Variants in ADGRG1 observed in about 807,000 individuals in gnomAD.
ADGRG1 encodes the protein adhesion G protein-coupled receptor G1, also known as 7-transmembrane protein with no EGF-like N-terminal domains-1.
ADGRG1 carries 53 observed loss-of-function variants against 73.5 expected under a neutral mutation model. That is an observed-to-expected ratio of 0.72 (90% CI 0.58 to 0.91). The LOEUF is 0.91. ADGRG1 is among the 40% of genes least tolerant of loss of function. The probability of loss-of-function intolerance (pLI) is 0.00; values close to 1 mark genes in which losing one functional copy is unlikely to be tolerated. For missense variants in ADGRG1, 795 were observed against 871.8 expected, an observed-to-expected ratio of 0.91 and a Z score of 1.11; for synonymous variants, 394 against 374.4, an observed-to-expected ratio of 1.05 and a Z score of -0.60.
intron 1 of ADGRG1, among the ~76,000 whole-genome samples, chr16:57,645,528 C>T (rs764389576): frequency 1.3e-5 from 2 of 152,198 alleles, no homozygotes; most frequent in Non-Finnish European, 2.9e-5. Context: ...GCCCTGGCCC[C>T]GAGTCCAGGC....
At position 57,628,820 on chromosome 16, in the gene ADGRG1, G is replaced by A. The variant is rs1010154100; in HGVS notation, c.-36+18G>A. ...GGCAGCAGGTACCCAAACAAGGGCT[G>A]GACAGCAGGTGGGAAGGGGAATAGT... On this transcript the variant is annotated intron_variant, in intron 1 of 13. Coordinates refer to ENST00000562631, the MANE Select transcript of ADGRG1 (RefSeq NM_201525.4). The A allele has an allele frequency of 2.0e-6, 2 of 985,946 alleles. No homozygotes were observed. The highest frequency in any genetic ancestry group is 2.3e-4 in the East Asian group (2 of 8,832). The allele number at this position is 985,946 out of a possible 1,614,324, so 61.1% of individuals were successfully genotyped here. A position where few individuals can be genotyped will look rare whatever the true frequency, so the allele number is the denominator to read the frequency against.
At chr16:57,622,455 T>A (rs2035032153) in intron 2 of ADGRG1, among the ~76,000 whole-genome samples, 1 of 152,116 alleles carries the variant, frequency 6.6e-6, no homozygotes, top group Non-Finnish European at 1.5e-5. Context: ...GGAGGGGCTG[T>A]GCTTCTGGCT....
intron 1 of ADGRG1, chr16:57,643,377 G>A (rs538298169): frequency 6.0e-6 from 1 of 166,092 alleles, no homozygotes; most frequent in East Asian, 1.9e-4. Context: ...TGACTCTCTG[G>A]GAGGACTTGG....
intron 1 of ADGRG1, chr16:57,631,561 C>A: frequency 1.0e-6 from 1 of 985,584 alleles, no homozygotes; most frequent in Non-Finnish European, 1.2e-6. Context: ...AGGGCTCAGC[C>A]CCCGTCCCCA....
At chr16:57,624,800 T>C (rs150550775), upstream of ADGRG1, 82 of 679,848 alleles carry the variant, frequency 1.2e-4, no homozygotes, top group Admixed American at 1.3e-4. Context: ...GGCAGCCTCC[T>C]CTCTACCTCC....
chr16:57,651,316 T>C lies in ADGRG1; in HGVS notation c.181T>C (p.Ser61Pro). Residue 61 changes from serine to proline, a missense_variant, in exon 3 of 14, where the codon TCC becomes CCC. Coordinates refer to ENST00000562631, the MANE Select transcript of ADGRG1 (RefSeq NM_201525.4). ...AGACCTGCGCATCTCCATCGAGAAC[T>C]CCGAAGAGGCCCTCACAGTCCATGC... is the stretch of plus-strand genomic sequence containing the variant. ...TPDLRISIEN[S>P]EEALTVHAPF... 6.2e-7 allele frequency: 1 copy of C among 1,614,110 alleles called. No individual in the cohort carries two copies. Among genetic ancestry groups the C allele is most frequent in the Non-Finnish European group, 8.5e-7 (1 of 1,180,014 alleles).
rs752694749 is a variant in ADGRG1, at chr16:57,661,722, A to G, written c.1690A>G (p.Ser564Gly). The G allele has an allele frequency of 6.2e-7, 1 of 1,614,028 alleles. No individual in the cohort carries two copies. The highest frequency in any genetic ancestry group is 1.7e-5 in the Admixed American group (1 of 60,026). ...GTGCTGGATCCGGGACTCCCTGGTC[A>G]GCTACATCACCAACCTGGGCCTCTT... ...SMCWIRDSLVSYITNLGLFSL... is the reference protein window; with the variant it reads ...SMCWIRDSLVGYITNLGLFSL... Residue 564 changes from serine (S) to glycine (G), a missense_variant, in exon 13 of 14, where the codon AGC becomes GGC. Physicochemically the swap from Ser to Gly is moderately conservative, Grantham distance 56 (BLOSUM62 0). Transcript: ENST00000562631.
At chr16:57,653,520 G>A in intron 4 of ADGRG1, 185 bp downstream of exon 4, 1 of 985,390 alleles carries the variant, frequency 1.0e-6, no homozygotes, top group Non-Finnish European at 1.2e-6. Flanking sequence ...TCTCCTGTCT[G>A]AGTCAGTAAC....
chr16:57,644,662 C>CTTCAT (rs1310396902), intron 1 of ADGRG1, among the ~76,000 whole-genome samples: 1 of 136,370 alleles, frequency 7.3e-6, no homozygotes. Flanking sequence ...ACACTCATCA[C>CTTCAT]ACACTCCTCA....
At chr16:57,645,397 C>T in intron 1 of ADGRG1, 1 of 864,086 alleles carries the variant, frequency 1.2e-6, no homozygotes, top group Non-Finnish European at 1.4e-6. Flanking sequence ...CTGATGCCTG[C>T]CCTTCTCCTG....
chr16:57,630,469 C>G (rs1166266984), intron 1 of ADGRG1: 5 of 985,568 alleles, frequency 5.1e-6, no homozygotes, highest in Non-Finnish European at 6.0e-6. Context: ...AGCTCAGCTG[C>G]TAAATGGGTG....
intron 1 of ADGRG1, chr16:57,640,840 A>C (rs2040645542): frequency 1.0e-6 from 1 of 976,714 alleles, no homozygotes; most frequent in African/African-American, 1.7e-5. Context: ...CTGCGCTCCA[A>C]AGATGGGAGT....
At chr16:57,624,691 C>G (rs372498930), upstream of ADGRG1, 21 of 982,744 alleles carry the variant, frequency 2.1e-5, no homozygotes, top group East Asian at 1.0e-3. Flanking sequence ...TGTCTTCCTA[C>G]TCCCCCAGGC....
intron 1 of ADGRG1, chr16:57,640,914 G>A (rs997628760): frequency 9.5e-5 from 94 of 985,668 alleles, no homozygotes; most frequent in Non-Finnish European, 1.1e-4. Context: ...GACCTTGCGG[G>A]CCTGGCCTTG....
At chr16:57,643,091 C>A (rs1292541618) in intron 1 of ADGRG1, 1 of 152,228 alleles carries the variant, frequency 6.6e-6, no homozygotes, top group African/African-American at 2.4e-5. Context: ...CCAGATAAGA[C>A]CCCTGTTTAG....
At chr16:57,633,040 C>T (rs767556345) in intron 1 of ADGRG1, 9 of 791,096 alleles carry the variant, frequency 1.1e-5, no homozygotes, top group Non-Finnish European at 1.2e-5. Flanking sequence ...CCTAGTACCC[C>T]CAGCCTGGAT....
chr16:57,651,675 G>C, intron 3 of ADGRG1, 53 bp downstream of exon 3: 1 of 1,572,400 alleles, frequency 6.4e-7, no homozygotes, highest in South Asian at 1.1e-5. Context: ...TAGAGGCAGG[G>C]AAGGCAAAAT....
chr16:57,654,049 C>T lies in ADGRG1; in HGVS notation c.684C>T (p.Phe228=), dbSNP rs151214362. 4.4e-5 allele frequency: 71 copies of T among 1,613,944 alleles called. No homozygotes were observed. Among genetic ancestry groups the T allele is most frequent in the African/African-American group, 8.0e-5 (6 of 74,922 alleles). ...GATTCATGGGGGACATGGTGTCCTT[C>T]GAGGAGGACCGGATCAACGCCACGG... The part of the protein sequence containing the change: ...SVRFMGDMVS[F]EEDRINATVW... Residue 228 remains phenylalanine (F), a synonymous_variant, in exon 5 of 14, where the codon TTC becomes TTT. Coordinates refer to ENST00000562631, the MANE Select transcript of ADGRG1 (RefSeq NM_201525.4).
chr16:57,660,140 CCAG>C (rs1240542046), intron 11 of ADGRG1: 2 of 436,316 alleles, frequency 4.6e-6, no homozygotes, highest in African/African-American at 4.3e-5. Flanking sequence ...TCACCTGTGG[CCAG>C]CCCTCTTATG....
Sources: gnomAD v4.1 joint callset for allele counts (sites outside exome capture counted in the v4.1 genomes callset) on GRCh38, gnomAD v4.1.1 for gene constraint, MANE v1.5 for transcripts, NCBI Gene and HGNC (gene_info 2026-07-23, HGNC 2026-07-21) for gene names.